Variants in ASTN2 observed in about 807,000 individuals in gnomAD.
ASTN2 encodes the protein astrotactin 2, also known as astrotactin-2.
A neutral mutation model predicts 139.8 loss-of-function variants in ASTN2; 54 were observed. The ratio of observed to expected loss-of-function variants is 0.39; its 90% CI spans 0.31 to 0.48. The LOEUF (loss-of-function observed/expected upper bound fraction) is 0.48. Among genes scored for constraint, ASTN2 ranks in the 20% least tolerant of loss-of-function variants. The pLI, the probability that ASTN2 is intolerant of heterozygous loss-of-function variation, is 0.95. For missense variants in ASTN2, 1,565 were observed against 1,725.1 expected, an observed-to-expected ratio of 0.91 and a Z score of 1.64; for synonymous variants, 756 against 719.5, an observed-to-expected ratio of 1.05 and a Z score of -0.81.
At chr9:116,933,924 A>C (rs1370503674) in intron 10 of ASTN2, among the ~76,000 whole-genome samples, 1 of 149,140 alleles carries the variant, frequency 6.7e-6, no homozygotes, top group Non-Finnish European at 1.5e-5. Context: ...ACCACCAATC[A>C]GCCAATCTGA....
At chr9:116,883,312 T>G (rs1391851313) in intron 10 of ASTN2, among the ~76,000 whole-genome samples, 1 of 152,184 alleles carries the variant, frequency 6.6e-6, no homozygotes, top group African/African-American at 2.4e-5. Flanking sequence ...TGAATGCACA[T>G]GCCCATATAA....
chr9:117,007,897 G>C (rs576884525), intron 7 of ASTN2, among the ~76,000 whole-genome samples, 195 bp downstream of exon 7: 1 of 152,274 alleles, frequency 6.6e-6, no homozygotes, highest in Non-Finnish European at 1.5e-5. Context: ...CTGAGAGTCT[G>C]TGGCTCTCTA....
intron 13 of ASTN2, among the ~76,000 whole-genome samples, chr9:116,803,230 A>G (rs1830914572): frequency 6.6e-6 from 1 of 151,560 alleles, no homozygotes; most frequent in South Asian, 2.1e-4. Flanking sequence ...ATTATAGAAA[A>G]CTAGTATTGT....
intron 1 of ASTN2, among the ~76,000 whole-genome samples, chr9:117,297,818 C>T (rs1834774032): frequency 1.3e-5 from 2 of 152,212 alleles, no homozygotes; most frequent in South Asian, 2.1e-4. Flanking sequence ...AGGATGGAAG[C>T]TTTCAAGAGG....
chr9:117,115,479 T>C (rs59638508), intron 4 of ASTN2, among the ~76,000 whole-genome samples: 3,619 of 152,138 alleles, frequency 0.024, 125 homozygotes, highest in African/African-American at 0.077. Flanking sequence ...GCCGAGATCA[T>C]GCCACTGTAC....
chr9:116,665,009 T>C (rs754192937), intron 16 of ASTN2, among the ~76,000 whole-genome samples: 2 of 152,146 alleles, frequency 1.3e-5, no homozygotes, highest in Non-Finnish European at 2.9e-5. Flanking sequence ...CTTCAAGAGC[T>C]GATTGTTAAA....
chr9:116,881,904 A>G (rs1817755230), intron 10 of ASTN2, among the ~76,000 whole-genome samples: 1 of 151,210 alleles, frequency 6.6e-6, no homozygotes, highest in Non-Finnish European at 1.5e-5. Context: ...CGAAGCATCA[A>G]GAATATTTGT....
At chr9:116,984,361 G>A (rs1836615014) in intron 7 of ASTN2, among the ~76,000 whole-genome samples, 1 of 152,298 alleles carries the variant, frequency 6.6e-6, no homozygotes, top group Non-Finnish European at 1.5e-5. Context: ...TGCCTTCAGG[G>A]TAGAAGTCAC....
chr9:116,839,800 A>T (rs1422309729), intron 11 of ASTN2, among the ~76,000 whole-genome samples: 4 of 150,764 alleles, frequency 2.7e-5, no homozygotes, highest in Admixed American at 2.6e-4. Context: ...CCTCCTGAGT[A>T]GCCGGGACCA....
intron 4 of ASTN2, among the ~76,000 whole-genome samples, chr9:117,126,111 T>G (rs1292195120): frequency 1.4e-5 from 2 of 146,602 alleles, no homozygotes; most frequent in African/African-American, 4.9e-5. Flanking sequence ...GGCATATTCT[T>G]AATAATAATT....
chr9:116,495,100 A>G (rs1849629113), intron 19 of ASTN2, among the ~76,000 whole-genome samples: 1 of 152,212 alleles, frequency 6.6e-6, no homozygotes, highest in Non-Finnish European at 1.5e-5. Flanking sequence ...AATACAGGAA[A>G]GGAGGAAATG....
chr9:117,207,593 C>T (rs1048299612), intron 3 of ASTN2, among the ~76,000 whole-genome samples: 1 of 152,194 alleles, frequency 6.6e-6, no homozygotes, highest in Non-Finnish European at 1.5e-5. Flanking sequence ...CTATGAGCTG[C>T]CCCTGGTAGA....
chr9:117,190,477 T>C (rs1344026098), intron 3 of ASTN2, among the ~76,000 whole-genome samples: 1 of 152,166 alleles, frequency 6.6e-6, no homozygotes, highest in Non-Finnish European at 1.5e-5. Flanking sequence ...TTTGCAAAAA[T>C]TCATTCCCCC....
chr9:117,346,133 G>C (rs747064542), intron 1 of ASTN2, among the ~76,000 whole-genome samples: 1 of 152,032 alleles, frequency 6.6e-6, no homozygotes, highest in African/African-American at 2.4e-5. Flanking sequence ...TGGCCCATGG[G>C]ATTACAAAGA....
chr9:117,081,760 C>T (rs182360804), intron 5 of ASTN2, among the ~76,000 whole-genome samples: 1 of 152,240 alleles, frequency 6.6e-6, no homozygotes, highest in Admixed American at 6.5e-5. Context: ...GAACCGCCTA[C>T]AGGGGAGACA....
chr9:117,133,023 A>C (rs1026781156), intron 4 of ASTN2, among the ~76,000 whole-genome samples: 1 of 152,210 alleles, frequency 6.6e-6, no homozygotes, highest in African/African-American at 2.4e-5. Flanking sequence ...GTTTCTCTAA[A>C]GATCCTCCCT....
intron 1 of ASTN2, among the ~76,000 whole-genome samples, chr9:117,407,223 A>T (rs1482396355): frequency 6.6e-6 from 1 of 152,248 alleles, no homozygotes; most frequent in Non-Finnish European, 1.5e-5. Flanking sequence ...AATCTGGCAG[A>T]GTGTGATCAG....
intron 10 of ASTN2, among the ~76,000 whole-genome samples, chr9:116,908,786 T>C (rs753086775): frequency 5.3e-5 from 8 of 152,244 alleles, no homozygotes; most frequent in Admixed American, 2.0e-4. Flanking sequence ...ATGTGTGGCA[T>C]TATAATGTAT....
chr9:116,932,001 T>C (rs1365252496), intron 10 of ASTN2, among the ~76,000 whole-genome samples: 1 of 151,928 alleles, frequency 6.6e-6, no homozygotes, highest in East Asian at 1.9e-4. Context: ...CTGGTTTGGC[T>C]GAACTGTGAG....
Sources: allele counts gnomAD v4.1 joint callset (sites outside exome capture counted in the v4.1 genomes callset), GRCh38; gene constraint gnomAD v4.1.1; transcripts MANE v1.5; gene names NCBI Gene and HGNC (gene_info 2026-07-23, HGNC 2026-07-21).